MIGA1: variants seen among roughly 807,000 people sequenced by gnomAD.
MIGA1 encodes the protein family with sequence similarity 73, member A.
MIGA1 carries 58 observed loss-of-function variants against 82.0 expected under a neutral mutation model. That is an observed-to-expected ratio of 0.71 (90% CI 0.57 to 0.88). The LOEUF (loss-of-function observed/expected upper bound fraction) is 0.88. Among genes scored for constraint, MIGA1 ranks in the 40% least tolerant of loss-of-function variants. The pLI, the probability that MIGA1 is intolerant of heterozygous loss-of-function variation, is 0.00. For missense variants in MIGA1, 751 were observed against 749.1 expected, an observed-to-expected ratio of 1.00 and a Z score of -0.03; for synonymous variants, 249 against 253.6, an observed-to-expected ratio of 0.98 and a Z score of 0.17.
chr1:77,804,313 G>A (rs1238669441), intron 4 of MIGA1, among the ~76,000 whole-genome samples: 1 of 152,150 alleles, frequency 6.6e-6, no homozygotes, highest in African/African-American at 2.4e-5. Context: ...AATGCTGATT[G>A]ACAAGTGAGG....
Position 77,815,141 on chromosome 1 carries a change from G to A in MIGA1, c.805G>A (p.Glu269Lys), listed in dbSNP as rs1482499411. 1.9e-6 allele frequency: 3 copies of A among 1,597,974 alleles called. No individual in the cohort carries two copies. The highest frequency in any genetic ancestry group is 2.6e-6 in the Non-Finnish European group (3 of 1,170,048). ...TAGTACTGAATTTATCCATAAACTC[G>A]AAGCTCTGCTGCAAAGAGCCTATCG... The change falls in exon 7 of 16, where the codon GAA (glutamate) becomes AAA (lysine). Residue 269 changes from glutamate to lysine, a missense_variant. By Grantham distance (56) the Glu-to-Lys change is moderately conservative (BLOSUM62 1). Coordinates refer to ENST00000370791, the MANE Select transcript of MIGA1 (RefSeq NM_198549.4).
intron 8 of MIGA1, chr1:77,848,367 A>T: frequency 2.6e-6 from 3 of 1,155,416 alleles, no homozygotes; most frequent in Non-Finnish European, 3.8e-6. Flanking sequence ...GAAGGAAGAG[A>T]AAAGCAAAGC....
chr1:77,780,260 G>T, intron 1 of MIGA1: 1 of 718,866 alleles, frequency 1.4e-6, no homozygotes, highest in African/African-American at 1.9e-5. Context: ...AGTGGCTTTT[G>T]GATGTGAAAG....
intron 5 of MIGA1, chr1:77,811,219 T>A: frequency 6.4e-7 from 1 of 1,553,902 alleles, no homozygotes; most frequent in East Asian, 2.2e-5. Context: ...AACTGTAATA[T>A]AGGGATCGAT....
chr1:77,823,490 T>C (rs1683908360), intron 7 of MIGA1, among the ~76,000 whole-genome samples: 1 of 152,246 alleles, frequency 6.6e-6, no homozygotes, highest in African/African-American at 2.4e-5. Flanking sequence ...CTTAAGTAAG[T>C]AGATTTTCAT....
Position 77,857,729 on chromosome 1 carries a change from T to G in MIGA1, c.997-1209T>G, listed in dbSNP as rs867974881. Among the ~76,000 whole-genome samples the G allele has an allele frequency of 1.2e-3, 182 of 148,612 alleles. 5 individuals carry two copies. The highest frequency in any genetic ancestry group is 5.8e-4 in the East Asian group (3 of 5,130). ...TCTAGAAGTTTTCTGGGTTGTTGTT[T>G]TTTTTTTTTTTTTTGCTTAGCTGGC... is the stretch of plus-strand genomic sequence containing the variant. On this transcript the variant is annotated intron_variant, in intron 8 of 15. Coordinates refer to ENST00000370791, the MANE Select transcript of MIGA1 (RefSeq NM_198549.4).
intron 8 of MIGA1, among the ~76,000 whole-genome samples, chr1:77,858,617 T>G (rs1216814621): frequency 1.3e-5 from 2 of 152,092 alleles, no homozygotes; most frequent in Non-Finnish European, 2.9e-5. Context: ...GTTTTCTGGG[T>G]TTTTGTTTTG....
At chr1:77,872,273 T>A (rs540426732) in intron 14 of MIGA1, among the ~76,000 whole-genome samples, 97 of 152,138 alleles carry the variant, frequency 6.4e-4, no homozygotes, top group Non-Finnish European at 8.7e-4. Context: ...CCTGGCTGGA[T>A]TGCTTTTTTA....
chr1:77,839,653 G>A (rs985763047), intron 7 of MIGA1, among the ~76,000 whole-genome samples: 21 of 151,964 alleles, frequency 1.4e-4, no homozygotes, highest in African/African-American at 4.4e-4. Context: ...GATTACAGAC[G>A]TGAGCCATTG....
chr1:77,791,100 G>A (rs1249841352), intron 2 of MIGA1, among the ~76,000 whole-genome samples: 2 of 151,896 alleles, frequency 1.3e-5, no homozygotes, highest in Non-Finnish European at 1.5e-5. Context: ...ATAAATATAA[G>A]CTGGGCATGG....
chr1:77,786,229 G>A (rs1436925496), intron 2 of MIGA1, among the ~76,000 whole-genome samples: 1 of 152,228 alleles, frequency 6.6e-6, no homozygotes, highest in Non-Finnish European at 1.5e-5. Flanking sequence ...TCCCTAGGCT[G>A]CACACAGCAC....
rs536492651 is a variant in MIGA1, at chr1:77,779,953, G to A, written c.81+217G>A. 1.2e-3 allele frequency: 1,637 copies of A among 1,362,572 alleles called. 2 individuals carry two copies. Among genetic ancestry groups the A allele is most frequent in the Non-Finnish European group, 1.5e-3 (1,544 of 1,059,464 alleles). The allele number at this position is 1,362,572 out of a possible 1,614,324, so 84.4% of individuals were successfully genotyped here. On this transcript the variant is annotated intron_variant, in intron 1 of 15. Transcript: ENST00000370791. Reference sequence around the variant, plus strand: ...GACCTCGTCTCATCTCAGAAGCTAAGCAGGGTCGGGCCTGGTTAGTACTTG... The same window carrying A: ...GACCTCGTCTCATCTCAGAAGCTAAACAGGGTCGGGCCTGGTTAGTACTTG...
chr1:77,870,907 C>A (rs1685953777), intron 14 of MIGA1, among the ~76,000 whole-genome samples: 1 of 78,868 alleles, frequency 1.3e-5, no homozygotes, highest in Non-Finnish European at 2.7e-5. Context: ...CACAGCAAAA[C>A]CCCGTCTCCA....
chr1:77,783,620 T>C (rs1021000929), intron 2 of MIGA1, among the ~76,000 whole-genome samples: 3 of 152,250 alleles, frequency 2.0e-5, no homozygotes, highest in Non-Finnish European at 4.4e-5. Context: ...CAGTGAATTA[T>C]GTTATTCCAG....
At chr1:77,780,975 C>T (rs1044943608) in intron 1 of MIGA1, among the ~76,000 whole-genome samples, 1 of 147,472 alleles carries the variant, frequency 6.8e-6, no homozygotes, top group Non-Finnish European at 1.5e-5. Flanking sequence ...GGCGTGATCT[C>T]TGCTCACTGC....
chr1:77,826,032 A>G (rs1684016650), intron 7 of MIGA1, among the ~76,000 whole-genome samples: 1 of 152,238 alleles, frequency 6.6e-6, no homozygotes, highest in South Asian at 2.1e-4. Flanking sequence ...GGCACATGGT[A>G]AACACTTATC....
chr1:77,829,780 T>A (rs543990979), intron 7 of MIGA1, among the ~76,000 whole-genome samples: 1 of 152,152 alleles, frequency 6.6e-6, no homozygotes, highest in Non-Finnish European at 1.5e-5. Context: ...CGTAGAAGTT[T>A]TTTTAAATGT....
At chr1:77,848,158 A>T in intron 8 of MIGA1, 1 of 1,410,786 alleles carries the variant, frequency 7.1e-7, no homozygotes, top group Non-Finnish European at 1.0e-6. Flanking sequence ...AAAGAAAGGG[A>T]TTCTCATAGG....
At chr1:77,785,659 A>C (rs1380641420) in intron 2 of MIGA1, among the ~76,000 whole-genome samples, 1 of 152,140 alleles carries the variant, frequency 6.6e-6, no homozygotes, top group Non-Finnish European at 1.5e-5. Context: ...GTCAAATATT[A>C]AAGTTCCAAA....
Sources: allele counts gnomAD v4.1 joint callset (sites outside exome capture counted in the v4.1 genomes callset), GRCh38; gene constraint gnomAD v4.1.1; transcripts MANE v1.5; gene names NCBI Gene and HGNC (gene_info 2026-07-23, HGNC 2026-07-21).